Variants in GDAP1L1 observed in about 807,000 individuals in gnomAD.
The protein encoded by GDAP1L1 is ganglioside-induced differentiation-associated protein 1-like 1.
GDAP1L1 carries 21 observed loss-of-function variants against 37.1 expected under a neutral mutation model. That is an observed-to-expected ratio of 0.57 (90% confidence interval 0.40 to 0.81). GDAP1L1 has a LOEUF of 0.81. Among genes scored for constraint, GDAP1L1 ranks in the 40% least tolerant of loss-of-function variants. The pLI is 0.00. For synonymous variants in GDAP1L1, 193 were observed against 209.1 expected, an observed-to-expected ratio of 0.92 and a Z score of 0.67; for missense variants, 362 against 491.6, an observed-to-expected ratio of 0.74 and a Z score of 2.49.
At chr20:44,258,858 G>A (rs769363682) in intron 3 of GDAP1L1, among the ~76,000 whole-genome samples, 6 of 151,238 alleles carry the variant, frequency 4.0e-5, no homozygotes, top group Admixed American at 2.0e-4. Flanking sequence ...CTTCACCCCC[G>A]ACTTCCCGGC....
Position 44,257,917 on chromosome 20 carries a change from C to T in GDAP1L1, c.374-517C>T, listed in dbSNP as rs139989753. On this transcript the variant is annotated intron_variant, in intron 2 of 5. Transcript: ENST00000342560. ...CCAGAACCCCATGGACAGGGGAGAGCCCAGACACCCCAAAACCCCGCAGGC... is the reference window on the plus strand; with the variant it reads ...CCAGAACCCCATGGACAGGGGAGAGTCCAGACACCCCAAAACCCCGCAGGC... 5.1e-3 allele frequency among the ~76,000 whole-genome samples: 783 copies of T among 152,138 alleles called. 8 individuals carry two copies. The highest frequency in any genetic ancestry group is 0.018 in the African/African-American group (740 of 41,502).
intron 1 of GDAP1L1, among the ~76,000 whole-genome samples, chr20:44,250,668 C>A (rs1031810277): frequency 3.3e-5 from 5 of 152,166 alleles, no homozygotes; most frequent in Admixed American, 1.3e-4. Flanking sequence ...AAACAATTGC[C>A]TGTTAAGAGT....
At chr20:44,264,163 T>A (rs1020716551) in intron 4 of GDAP1L1, among the ~76,000 whole-genome samples, 1 of 152,100 alleles carries the variant, frequency 6.6e-6, no homozygotes, top group Non-Finnish European at 1.5e-5. Context: ...GCAATGCAGC[T>A]CCTTATTGGC....
chr20:44,273,103 G>A (rs1017538672), intron 5 of GDAP1L1, among the ~76,000 whole-genome samples: 7 of 152,200 alleles, frequency 4.6e-5, no homozygotes, highest in Non-Finnish European at 2.9e-5. Context: ...TACAACCACA[G>A]AATCTGGAAC....
chr20:44,254,101 CCA>C (rs1383404057), intron 1 of GDAP1L1, among the ~76,000 whole-genome samples: 2 of 152,260 alleles, frequency 1.3e-5, no homozygotes, highest in Non-Finnish European at 2.9e-5. Context: ...CAGCCAAACT[CCA>C]GTCTCCACTA....
At chr20:44,258,342 A>C in intron 2 of GDAP1L1, 92 bp from the exon 3 acceptor site, 1 of 1,265,278 alleles carries the variant, frequency 7.9e-7, no homozygotes. Flanking sequence ...GCCTCTGGGC[A>C]GAGACATCTT....
intron 5 of GDAP1L1, among the ~76,000 whole-genome samples, chr20:44,272,693 T>C (rs1480950004): frequency 6.6e-6 from 1 of 152,170 alleles, no homozygotes; most frequent in East Asian, 1.9e-4. Flanking sequence ...ACCAGATTGC[T>C]GCCCAGGCGC....
chr20:44,276,168 CA>C (rs58388010), intron 5 of GDAP1L1, among the ~76,000 whole-genome samples: 425 of 137,572 alleles, frequency 3.1e-3, no homozygotes, highest in African/African-American at 3.4e-3. Context: ...GTAAAAATAC[CA>C]AAAAAAAAAA....
At chr20:44,266,012 C>G (rs2146030296) in intron 5 of GDAP1L1, among the ~76,000 whole-genome samples, 1 of 152,294 alleles carries the variant, frequency 6.6e-6, no homozygotes, top group Middle Eastern at 3.4e-3. Context: ...TAACGCACCT[C>G]AAAGGGGAAC....
At chr20:44,259,620 C>G (rs1485562042) in intron 3 of GDAP1L1, among the ~76,000 whole-genome samples, 4 of 151,988 alleles carry the variant, frequency 2.6e-5, no homozygotes, top group Non-Finnish European at 1.5e-5. Context: ...CTCAGCCTCC[C>G]AAGTAGCTGG....
rs73613469 is a variant in GDAP1L1, at chr20:44,260,305, C to A, written c.547+1698C>A. Among the ~76,000 whole-genome samples the A allele has an allele frequency of 2.9e-4, 43 of 148,442 alleles. No homozygotes were observed. The East Asian group carries it at 7.9e-3, about 27-fold the overall frequency. On this transcript the variant is annotated intron_variant, in intron 3 of 5. Coordinates refer to ENST00000342560, the MANE Select transcript of GDAP1L1 (RefSeq NM_024034.6). Reference sequence around the variant, plus strand: ...AAGGGCAAAAAAAAAAAAACAACATCTAGTGTGCTCTCATTAGTACTCAGA... The same window carrying A: ...AAGGGCAAAAAAAAAAAAACAACATATAGTGTGCTCTCATTAGTACTCAGA...
chr20:44,269,039 C>G (rs2146037610), intron 5 of GDAP1L1, among the ~76,000 whole-genome samples: 1 of 152,286 alleles, frequency 6.6e-6, no homozygotes, highest in South Asian at 2.1e-4. Context: ...CGGCTTGCCT[C>G]TCACACATGG....
chr20:44,247,427 C>G lies in GDAP1L1; in HGVS notation c.93C>G (p.Pro31=), dbSNP rs2073350280. 2 of 1,610,068 alleles carry G rather than the reference C, an allele frequency of 1.2e-6. No individual in the cohort carries two copies. The highest frequency in any genetic ancestry group is 1.7e-6 in the Non-Finnish European group (2 of 1,178,772). ...ATGCGGCCAAGCCAGCGGAGGCCCC[C>G]GACGCTCCCGAGGCGGCCAGCCCCG... ...ESDAAKPAEA[P]DAPEAASPAH... is the part of the protein sequence containing the mutation. The change falls in exon 1 of 6, where the codon CCC becomes CCG. Residue 31 remains proline, a synonymous_variant. Coordinates refer to ENST00000342560, the MANE Select transcript of GDAP1L1 (RefSeq NM_024034.6).
chr20:44,258,313 G>A (rs538211704), intron 2 of GDAP1L1, 121 bp from the exon 3 acceptor site: 22 of 975,244 alleles, frequency 2.3e-5, no homozygotes, highest in South Asian at 6.9e-5. Context: ...AGCCAAGCCC[G>A]AGCATGGGGG....
intron 3 of GDAP1L1, among the ~76,000 whole-genome samples, 186 bp downstream of exon 3, chr20:44,258,793 T>C (rs1004601987): frequency 6.6e-6 from 1 of 152,026 alleles, no homozygotes; most frequent in African/African-American, 2.4e-5. Context: ...CTCACTCTGC[T>C]GGTCTCTCTC....
Position 44,265,537 on chromosome 20 carries a change from T to C in GDAP1L1, c.760+978T>C, listed in dbSNP as rs1450054762. ...CAGATGGGGTTAGAGTAAGAAAAAC[T>C]TGAAATAGAGTTCCAGCTTTGCTGC... On this transcript the variant is annotated intron_variant, in intron 5 of 5. Transcript: ENST00000342560. 5 of 952,628 alleles carry C rather than the reference T, an allele frequency of 5.2e-6. No individual in the cohort carries two copies. The South Asian group carries it at 2.4e-4, about 46-fold the overall frequency. The allele number at this position is 952,628 out of a possible 1,614,324, so 59.0% of individuals were successfully genotyped here. A position where few individuals can be genotyped will look rare whatever the true frequency, so the allele number is the denominator to read the frequency against.
rs117649618 is a variant in GDAP1L1 at position 44,263,341 on chromosome 20, G to A, written c.645+14G>A. 9.7e-4 allele frequency: 1,507 copies of A among 1,553,760 alleles called. 24 individuals carry two copies. The East Asian group carries it at 0.028, about 29-fold the overall frequency. The stretch of plus-strand genomic sequence containing the variant: ...AAGAAGCTCATGGTGAGTACCTCCC[G>A]GCCTGCTGAGTCCCCTTCCCTACGA... On this transcript the variant is annotated intron_variant, in intron 4 of 5. Transcript: ENST00000342560.
intron 1 of GDAP1L1, among the ~76,000 whole-genome samples, chr20:44,248,319 G>A (rs994182539): frequency 6.6e-6 from 1 of 152,240 alleles, no homozygotes; most frequent in Admixed American, 6.5e-5. Context: ...CACCCTGGGC[G>A]GTTGTCCCGT....
Position 44,255,541 on chromosome 20 carries a change from C to CAA in GDAP1L1, c.181-1583_181-1582dup, listed in dbSNP as rs60318296. 7.0e-3 allele frequency among the ~76,000 whole-genome samples: 321 copies of CAA among 45,770 alleles called. 37 individuals carry two copies. The highest frequency in any genetic ancestry group is 0.012 in the Non-Finnish European group (251 of 21,202). The allele number at this position is 45,770 out of a possible 152,430, so 30.0% of individuals were successfully genotyped here. On this transcript the variant is annotated intron_variant, in intron 1 of 5. Coordinates refer to ENST00000342560, the MANE Select transcript of GDAP1L1 (RefSeq NM_024034.6). ...TGAGCAACAGAGCGAGACTCTGTCT[C>CAA]AAAAAAAAAAAAAAAAAAAAAAAAA... is the stretch of plus-strand genomic sequence containing the variant.
Sources: allele counts gnomAD v4.1 joint callset (sites outside exome capture counted in the v4.1 genomes callset), GRCh38; gene constraint gnomAD v4.1.1; transcripts MANE v1.5; gene names NCBI Gene and HGNC (gene_info 2026-07-23, HGNC 2026-07-21).